Variants in CPA6 observed in about 807,000 individuals in gnomAD.
CPA6 encodes the protein carboxypeptidase B.
A neutral mutation model predicts 63.3 loss-of-function variants in CPA6; 58 were observed. The observed-to-expected ratio is 0.92, with a 90% CI of 0.74 to 1.14. The LOEUF is 1.14. Among genes scored for constraint, CPA6 ranks in the 50% most tolerant of loss-of-function variants. The pLI, the probability that CPA6 is intolerant of heterozygous loss-of-function variation, is 0.00. For synonymous variants in CPA6, 185 were observed against 179.0 expected (o/e 1.03, Z -0.27); for missense variants, 565 against 526.6 (o/e 1.07, Z -0.71).
chr8:67,725,888 A>C (rs746222004), intron 1 of CPA6, among the ~76,000 whole-genome samples: 1 of 152,174 alleles, frequency 6.6e-6, no homozygotes, highest in African/African-American at 2.4e-5. Flanking sequence ...CTTAAGAATG[A>C]GATAAAATAA....
chr8:67,456,609 G>A (rs1810682487), intron 8 of CPA6, among the ~76,000 whole-genome samples: 1 of 152,236 alleles, frequency 6.6e-6, no homozygotes, highest in South Asian at 2.1e-4. Context: ...GCTCACCACA[G>A]CCTTCAAGAT....
chr8:67,683,255 A>G (rs1365882460), intron 1 of CPA6, among the ~76,000 whole-genome samples: 1 of 152,086 alleles, frequency 6.6e-6, no homozygotes, highest in Non-Finnish European at 1.5e-5. Context: ...AATCCCTGCT[A>G]CTCCATCTTG....
At chr8:67,652,333 G>A (rs1450744740) in intron 1 of CPA6, among the ~76,000 whole-genome samples, 2 of 152,178 alleles carry the variant, frequency 1.3e-5, no homozygotes, top group Non-Finnish European at 2.9e-5. Flanking sequence ...CTTCCACAAT[G>A]GTTGAACTAG....
At chr8:67,589,526 C>A (rs1045882840) in intron 2 of CPA6, among the ~76,000 whole-genome samples, 50 of 152,196 alleles carry the variant, frequency 3.3e-4, no homozygotes, top group African/African-American at 1.1e-3. Context: ...ACAGGTAAGA[C>A]CACTTCTAAA....
At chr8:67,510,364 T>C (rs1008444305) in intron 4 of CPA6, among the ~76,000 whole-genome samples, 5 of 152,140 alleles carry the variant, frequency 3.3e-5, no homozygotes, top group African/African-American at 1.2e-4. Context: ...TACCCATATA[T>C]TCTTTTCTTT....
At chr8:67,447,123 C>G (rs1810443310) in intron 8 of CPA6, among the ~76,000 whole-genome samples, 1 of 151,698 alleles carries the variant, frequency 6.6e-6, no homozygotes, top group Non-Finnish European at 1.5e-5. Context: ...TACACACACA[C>G]ACATATATAT....
At chr8:67,508,849 G>C (rs1008779672) in intron 5 of CPA6, among the ~76,000 whole-genome samples, 1 of 152,142 alleles carries the variant, frequency 6.6e-6, no homozygotes, top group Admixed American at 6.6e-5. Context: ...CATAGCTTCT[G>C]CATTAGTTAG....
intron 1 of CPA6, among the ~76,000 whole-genome samples, chr8:67,677,024 C>T (rs6986791): frequency 0.53 from 81,197 of 152,078 alleles, 25,100 homozygotes; most frequent in African/African-American, 0.87. Context: ...GCTAGCAGGA[C>T]TACTGCCCCG....
At chr8:67,744,428 C>T (rs1175562016) in intron 1 of CPA6, among the ~76,000 whole-genome samples, 1 of 152,196 alleles carries the variant, frequency 6.6e-6, no homozygotes, top group Non-Finnish European at 1.5e-5. Flanking sequence ...GAAAAGGGTG[C>T]CACCACTGGC....
chr8:67,630,866 G>T (rs1815310589), intron 1 of CPA6, among the ~76,000 whole-genome samples: 1 of 152,236 alleles, frequency 6.6e-6, no homozygotes, highest in Non-Finnish European at 1.5e-5. Flanking sequence ...CTTACCACCT[G>T]GGCCAGCAGC....
intron 1 of CPA6, among the ~76,000 whole-genome samples, chr8:67,629,763 G>A (rs1194737873): frequency 6.6e-6 from 1 of 152,062 alleles, no homozygotes; most frequent in Admixed American, 6.5e-5. Flanking sequence ...ATCATTTATT[G>A]TCATGGCTTT....
intron 3 of CPA6, among the ~76,000 whole-genome samples, chr8:67,512,729 T>C (rs1477645917): frequency 6.6e-6 from 1 of 152,238 alleles, no homozygotes; most frequent in Non-Finnish European, 1.5e-5. Context: ...TAAAAAGCTT[T>C]GCTTTCATAT....
At chr8:67,615,671 CTCCATA>C (rs1318049457) in intron 2 of CPA6, among the ~76,000 whole-genome samples, 2 of 152,140 alleles carry the variant, frequency 1.3e-5, no homozygotes, top group Non-Finnish European at 2.9e-5. Flanking sequence ...CCATCAGTGC[CTCCATA>C]TCCACCATAT....
At chr8:67,535,485 G>A (rs986183197) in intron 2 of CPA6, among the ~76,000 whole-genome samples, 1 of 152,148 alleles carries the variant, frequency 6.6e-6, no homozygotes, top group East Asian at 1.9e-4. Context: ...TTTTTCATAT[G>A]TTTGTTGGCT....
chr8:67,632,893 G>T (rs533618193), intron 1 of CPA6, among the ~76,000 whole-genome samples: 2 of 152,098 alleles, frequency 1.3e-5, no homozygotes, highest in East Asian at 1.9e-4. Context: ...TATTTGAAAA[G>T]AATATCTTTC....
At chr8:67,547,139 T>C (rs1177480848) in intron 2 of CPA6, among the ~76,000 whole-genome samples, 2 of 151,828 alleles carry the variant, frequency 1.3e-5, no homozygotes, top group Admixed American at 6.6e-5. Flanking sequence ...CTCTGCCTCC[T>C]GGGTTCATGC....
At chr8:67,460,862 T>C (rs1243300744) in intron 8 of CPA6, among the ~76,000 whole-genome samples, 1 of 152,196 alleles carries the variant, frequency 6.6e-6, no homozygotes, top group Non-Finnish European at 1.5e-5. Context: ...TCAGCATCTC[T>C]AGCGAAGTAC....
chr8:67,622,894 G>A (rs10504405), intron 2 of CPA6, among the ~76,000 whole-genome samples: 8,587 of 152,230 alleles, frequency 0.056, 553 homozygotes, highest in African/African-American at 0.16. Context: ...GCTTGCTTGT[G>A]TTTTGGTAGG....
chr8:67,461,513 T>TC (rs1186353338), intron 8 of CPA6, among the ~76,000 whole-genome samples: 1 of 151,928 alleles, frequency 6.6e-6, no homozygotes, highest in Non-Finnish European at 1.5e-5. Context: ...TCCCCACCTT[T>TC]CCCCGCTTTC....
Sources: gnomAD v4.1 joint callset for allele counts (sites outside exome capture counted in the v4.1 genomes callset) on GRCh38, gnomAD v4.1.1 for gene constraint, MANE v1.5 for transcripts, NCBI Gene and HGNC (gene_info 2026-07-23, HGNC 2026-07-21) for gene names.